Variants in KPNA2 observed in about 807,000 individuals in gnomAD.
KPNA2 encodes the protein importin subunit alpha-1.
KPNA2 carries 20 observed loss-of-function variants against 53.7 expected under a neutral mutation model. The observed-to-expected ratio is 0.37, with a 90% CI of 0.26 to 0.54. The LOEUF (loss-of-function observed/expected upper bound fraction) is 0.54. KPNA2 is among the 20% of genes least tolerant of loss of function. The probability of loss-of-function intolerance (pLI) is 0.83; values close to 1 mark genes in which losing one functional copy is unlikely to be tolerated. For synonymous variants in KPNA2, 238 were observed against 227.5 expected, an observed-to-expected ratio of 1.05 and a Z score of -0.42; for missense variants, 515 against 640.3, an observed-to-expected ratio of 0.80 and a Z score of 2.11.
At chr17:68,042,023 T>C (rs2071265782) in intron 4 of KPNA2, 62 bp from the exon 5 acceptor site, 1 of 1,435,424 alleles carries the variant, frequency 7.0e-7, no homozygotes, top group Admixed American at 2.0e-5. Context: ...TATATTGGTT[T>C]TTACACAAAC....
At position 68,043,298 on chromosome 17, in the gene KPNA2, G is replaced by C. The variant is rs1224653642; in HGVS notation, c.865G>C (p.Val289Leu). The change falls in exon 7 of 11, where the codon GTG (valine) becomes CTG (leucine). Residue 289 changes from valine to leucine, a missense_variant. Transcript: ENST00000330459. ...TGGTCCAAATGAACGAATTGGCATG[G>C]TGGTGAAAACAGGAGTTGTGCCCCA... ...TDGPNERIGM[V>L]VKTGVVPQLV... 1.2e-6 allele frequency: 2 copies of C among 1,614,050 alleles called. No homozygotes were observed. The highest frequency in any genetic ancestry group is 1.7e-6 in the Non-Finnish European group (2 of 1,180,024).
At chr17:68,042,879 A>T (rs1568276902) in intron 5 of KPNA2, 26 bp from the exon 6 acceptor site, 5 of 1,567,764 alleles carry the variant, frequency 3.2e-6, no homozygotes, top group South Asian at 1.1e-5. Flanking sequence ...AAAAAAAAAA[A>T]AAATTAATCT....
At chr17:68,044,138 T>G (rs1424872538) in intron 8 of KPNA2, 67 bp downstream of exon 8, 23 of 1,409,360 alleles carry the variant, frequency 1.6e-5, no homozygotes, top group South Asian at 8.3e-5. Context: ...TTGATAAGCT[T>G]CTTCACGTGC....
rs782568102 is a variant in KPNA2, at chr17:68,043,934, C to G, written c.1027C>G (p.Leu343Val). Residue 343 changes from leucine (L) to valine (V), a missense_variant, in exon 8 of 11, where the codon CTG (leucine) becomes GTG (valine). Coordinates refer to ENST00000330459, the MANE Select transcript of KPNA2 (RefSeq NM_002266.4). ...DAGALAVFPS[L>V]LTNPKTNIQK... ...AGGAGCACTCGCCGTCTTTCCCAGC[C>G]TGCTCACCAACCCCAAAACTAACAT... 2 of 1,613,708 alleles carry G rather than the reference C, an allele frequency of 1.2e-6. No individual in the cohort carries two copies. Among genetic ancestry groups the G allele is most frequent in the Non-Finnish European group, 1.7e-6 (2 of 1,179,824 alleles).
Position 68,043,953 on chromosome 17 carries a change from C to T in KPNA2, c.1046C>T (p.Thr349Ile). Residue 349 changes from threonine (T) to isoleucine (I), a missense_variant, in exon 8 of 11, where the codon ACT (threonine) becomes ATT (isoleucine). Physicochemically the swap from Thr to Ile is moderately conservative, Grantham distance 89. Transcript: ENST00000330459. ...CCCAGCCTGCTCACCAACCCCAAAA[C>T]TAACATTCAGAAGGAAGCTACGTGG... is the stretch of plus-strand genomic sequence containing the variant. ...VFPSLLTNPKTNIQKEATWTM... is the reference protein window; with the variant it reads ...VFPSLLTNPKINIQKEATWTM... The T allele has an allele frequency of 6.2e-7, 1 of 1,613,876 alleles. No homozygotes were observed. Among genetic ancestry groups the T allele is most frequent in the South Asian group, 1.1e-5 (1 of 91,072 alleles).
At chr17:68,041,724 A>C (rs1378279824) in intron 4 of KPNA2, among the ~76,000 whole-genome samples, 1 of 152,146 alleles carries the variant, frequency 6.6e-6, no homozygotes, top group Non-Finnish European at 1.5e-5. Flanking sequence ...TCCTATTTCA[A>C]AAAAACAAAA....
At chr17:68,043,779 AGAATT>A in intron 7 of KPNA2, 54 bp from the exon 8 acceptor site, 1 of 1,082,236 alleles carries the variant, frequency 9.2e-7, no homozygotes, top group Admixed American at 1.8e-5. Context: ...TTTAGGGTAT[AGAATT>A]TCTAAAGTGC....
chr17:68,039,546 C>T (rs987711792), intron 3 of KPNA2, among the ~76,000 whole-genome samples: 19 of 150,808 alleles, frequency 1.3e-4, no homozygotes, highest in South Asian at 8.4e-4. Flanking sequence ...TTTGGGAGGC[C>T]GAGGCAGGTG....
At chr17:68,040,855 G>A (rs1435057738) in intron 4 of KPNA2, 89 bp downstream of exon 4, 5 of 801,378 alleles carry the variant, frequency 6.2e-6, no homozygotes, top group Non-Finnish European at 1.1e-5. Flanking sequence ...GGGACAGACA[G>A]ATAGTACAAG....
intron 4 of KPNA2, among the ~76,000 whole-genome samples, chr17:68,041,798 G>GT (rs2071263484): frequency 6.6e-6 from 1 of 152,110 alleles, no homozygotes; most frequent in South Asian, 2.1e-4. Context: ...AATGTGAAAA[G>GT]TTTTTTTAAA....
rs1555705158 is a variant in KPNA2, at chr17:68,044,474, A to G, written c.1318A>G (p.Ile440Val). ...AAAAGATACCAAGATTATTCTGGTT[A>G]TCCTGGATGCCATTTCAAATATCTT... is the stretch of plus-strand genomic sequence containing the variant. ...TAKDTKIILV[I>V]LDAISNIFQA... Residue 440 changes from isoleucine to valine, a missense_variant, in exon 9 of 11, where the codon ATC becomes GTC. Physicochemically the swap from Ile to Val is conservative, Grantham distance 29. Coordinates refer to ENST00000330459, the MANE Select transcript of KPNA2 (RefSeq NM_002266.4). The G allele has an allele frequency of 5.6e-6, 9 of 1,613,708 alleles. No homozygotes were observed. Among genetic ancestry groups the G allele is most frequent in the Non-Finnish European group, 3.4e-6 (4 of 1,179,870 alleles).
At chr17:68,038,315 C>T (rs112975743) in intron 3 of KPNA2, among the ~76,000 whole-genome samples, 3,232 of 152,186 alleles carry the variant, frequency 0.021, 123 homozygotes, top group African/African-American at 0.074. Context: ...ACCATGTTGG[C>T]CAGGCTAGTC....
In KPNA2 at chr17:68,040,659, A is replaced by C. The variant is rs781901107; in HGVS notation, c.214-19A>C. 1 of 1,539,266 alleles carries C rather than the reference A, an allele frequency of 6.5e-7. No individual in the cohort carries two copies. On this transcript the variant is annotated intron_variant, in intron 3 of 10. Transcript: ENST00000330459. ...ATTTAATCTTAATGATAATGTGCAA[A>C]CTTTCACTTTTCTTCTAGGGCACTG...
intron 2 of KPNA2, 72 bp from the exon 3 acceptor site, chr17:68,037,286 A>G: frequency 8.3e-7 from 1 of 1,200,514 alleles, no homozygotes; most frequent in South Asian, 1.6e-5. Context: ...TGAGGTATTT[A>G]AAAAAAAAAT....
At chr17:68,039,102 G>A (rs571413955) in intron 3 of KPNA2, among the ~76,000 whole-genome samples, 1 of 151,934 alleles carries the variant, frequency 6.6e-6, no homozygotes, top group East Asian at 1.9e-4. Context: ...TTTCCTACAT[G>A]TTTTTCTCAC....
intron 4 of KPNA2, among the ~76,000 whole-genome samples, chr17:68,041,666 C>T (rs1291467554): frequency 6.6e-6 from 1 of 152,126 alleles, no homozygotes; most frequent in Non-Finnish European, 1.5e-5. Context: ...GTCGAGGCTG[C>T]AGTGAGCTGT....
intron 5 of KPNA2, 25 bp downstream of exon 5, chr17:68,042,378 A>G: frequency 3.1e-6 from 5 of 1,609,936 alleles, no homozygotes; most frequent in Non-Finnish European, 3.4e-6. Context: ...AGTTCTTTTG[A>G]CTGAATGTAT....
At chr17:68,043,800 A>G (rs1157081394) in intron 7 of KPNA2, 38 bp from the exon 8 acceptor site, 4 of 1,337,850 alleles carry the variant, frequency 3.0e-6, no homozygotes, top group Admixed American at 1.7e-5. Context: ...AGTGCTGGGG[A>G]AAAAATAACC....
chr17:68,039,259 C>T (rs1442046361), intron 3 of KPNA2, among the ~76,000 whole-genome samples: 1 of 151,624 alleles, frequency 6.6e-6, no homozygotes, highest in African/African-American at 2.4e-5. Context: ...TAGCTGGGAT[C>T]ACAGGGGATC....
Sources: gnomAD v4.1 joint callset for allele counts (sites outside exome capture counted in the v4.1 genomes callset) on GRCh38, gnomAD v4.1.1 for gene constraint, MANE v1.5 for transcripts, NCBI Gene and HGNC (gene_info 2026-07-23, HGNC 2026-07-21) for gene names.